ABLIM2: variants seen among roughly 807,000 people sequenced by gnomAD.
The protein encoded by ABLIM2 is actin binding LIM protein family member 2.
Under a neutral mutation model 97.7 loss-of-function variants are expected in ABLIM2, and 53 were observed. The observed-to-expected ratio is 0.54, with a 90% CI of 0.44 to 0.68. The LOEUF is 0.68. ABLIM2 is among the 30% of genes least tolerant of loss of function. The pLI is 0.00. For synonymous variants in ABLIM2, 361 were observed against 345.8 expected, an observed-to-expected ratio of 1.04 and a Z score of -0.49; for missense variants, 835 against 867.2, an observed-to-expected ratio of 0.96 and a Z score of 0.47.
intron 1 of ABLIM2, among the ~76,000 whole-genome samples, 157 bp from the exon 2 acceptor site, chr4:8,106,794 C>T (rs1005850896): frequency 1.4e-4 from 22 of 152,370 alleles, no homozygotes; most frequent in African/African-American, 4.8e-4. Context: ...CTGTTGTCTC[C>T]TTTTGCCTGG....
At chr4:8,138,883 G>A (rs1004104691) in intron 1 of ABLIM2, among the ~76,000 whole-genome samples, 5 of 152,220 alleles carry the variant, frequency 3.3e-5, no homozygotes, top group Non-Finnish European at 7.3e-5. Context: ...AAACTAAAGA[G>A]CTTCTGCACA....
At chr4:8,011,026 A>G (rs763463225) in intron 14 of ABLIM2, among the ~76,000 whole-genome samples, 6 of 152,248 alleles carry the variant, frequency 3.9e-5, no homozygotes, top group Non-Finnish European at 5.9e-5. Flanking sequence ...GAGGTTGGAA[A>G]GTGGATCACC....
In ABLIM2 at chr4:8,072,166, A is replaced by C; in HGVS notation, c.675+5462T>G. On this transcript the variant is annotated intron_variant, in intron 6 of 20. Coordinates refer to ENST00000447017, the MANE Select transcript of ABLIM2 (RefSeq NM_001130083.2). The surrounding 1 kb of genome is among the most constrained non-coding windows in gnomAD (Gnocchi z 5.8). ...TTCTCCTCCACAGCAGAGGAGGAGG[A>C]AAAAACCCAGACCTGTTTTGCTCCT... 1.4e-6 allele frequency: 1 copy of C among 707,506 alleles called. No individual in the cohort carries two copies. The highest frequency in any genetic ancestry group is 1.7e-6 in the Non-Finnish European group (1 of 576,240). 43.8% of individuals were successfully genotyped at this position (707,506 alleles called of 1,614,324 possible).
intron 1 of ABLIM2, among the ~76,000 whole-genome samples, chr4:8,115,371 G>T (rs892716456): frequency 6.6e-6 from 1 of 152,192 alleles, no homozygotes; most frequent in African/African-American, 2.4e-5. Flanking sequence ...CCTGCCTGCT[G>T]CACAGAACAC....
rs1044421220 is a variant in ABLIM2, at chr4:8,123,911, A to C, written c.11-17274T>G. On this transcript the variant is annotated intron_variant, in intron 1 of 20. Coordinates refer to ENST00000447017, the MANE Select transcript of ABLIM2 (RefSeq NM_001130083.2). The surrounding 1 kb of genome is among the most constrained non-coding windows in gnomAD (Gnocchi z 6.2). ...ACACGGTTCCTTTGGGTTCAATGAC[A>C]AAAATAACTTCATTTTGATGACCTA... Among the ~76,000 whole-genome samples, 2 of 152,184 alleles carry C rather than the reference A, an allele frequency of 1.3e-5. No individual in the cohort carries two copies. The highest frequency in any genetic ancestry group is 2.9e-5 in the Non-Finnish European group (2 of 68,014).
chr4:8,099,945 C>A (rs908361617), intron 2 of ABLIM2, among the ~76,000 whole-genome samples: 1 of 152,170 alleles, frequency 6.6e-6, no homozygotes, highest in Non-Finnish European at 1.5e-5. Context: ...CTTATGGAGA[C>A]AACACATTGT....
chr4:8,153,646 T>C (rs6840085), intron 1 of ABLIM2, among the ~76,000 whole-genome samples: 131,291 of 152,228 alleles, frequency 0.86, 56,731 homozygotes, highest in Admixed American at 0.89. Context: ...ACGCAGCAGA[T>C]AGTGGCCCTG....
chr4:8,143,401 C>T (rs1343993862), intron 1 of ABLIM2, among the ~76,000 whole-genome samples: 1 of 152,148 alleles, frequency 6.6e-6, no homozygotes, highest in Non-Finnish European at 1.5e-5. Flanking sequence ...GCACAAAAGG[C>T]AGATAGCACT....
chr4:8,003,643 G>A lies in ABLIM2; in HGVS notation c.1618+4416C>T, dbSNP rs1046549912. 1.4e-5 allele frequency among the ~76,000 whole-genome samples: 2 copies of A among 144,432 alleles called. No homozygotes were observed. The highest frequency in any genetic ancestry group is 2.6e-5 in the African/African-American group (1 of 38,526). The allele number at this position is 144,432 out of a possible 152,430, so 94.8% of individuals were successfully genotyped here. On this transcript the variant is annotated intron_variant, in intron 16 of 20. Coordinates refer to ENST00000447017, the MANE Select transcript of ABLIM2 (RefSeq NM_001130083.2). The surrounding 1 kb of genome is among the most constrained non-coding windows in gnomAD (Gnocchi z 4.2). ...TGCAATGGTGCAATCTCGGCTTACT[G>A]CAACCTCTGCCTCCTGGGATCAAGT... is the stretch of plus-strand genomic sequence containing the variant.
intron 17 of ABLIM2, chr4:7,989,447 G>T (rs913742565): frequency 2.0e-6 from 2 of 985,130 alleles, no homozygotes; most frequent in African/African-American, 3.5e-5. Context: ...CAAGGTGTCT[G>T]GCATTGCCAT....
At chr4:8,101,933 C>A (rs951940758) in intron 2 of ABLIM2, among the ~76,000 whole-genome samples, 1 of 152,154 alleles carries the variant, frequency 6.6e-6, no homozygotes, top group African/African-American at 2.4e-5. Flanking sequence ...CAAAGACATC[C>A]AGAATGAGAC....
At chr4:8,047,847 A>C (rs973524843) in intron 8 of ABLIM2, among the ~76,000 whole-genome samples, 13 of 152,254 alleles carry the variant, frequency 8.5e-5, no homozygotes, top group African/African-American at 2.9e-4. Context: ...ATTTCAGCTC[A>C]AGGTGGGCTC....
rs1174491473 is a variant in ABLIM2, at chr4:7,999,341, A to G, written c.1619-6414T>C. ...CAAAAATGCTGAGATTACAGGCGTG[A>G]GCCACTGCGCCCGGCCAAGAATCAC... On this transcript the variant is annotated intron_variant, in intron 16 of 20. Transcript: ENST00000447017. This position sits in a 1 kb window ranked among gnomAD's most constrained non-coding sequence, Gnocchi z 4.4. Among the ~76,000 whole-genome samples, 2 of 152,190 alleles carry G rather than the reference A, an allele frequency of 1.3e-5. No homozygotes were observed. The highest frequency in any genetic ancestry group is 2.9e-5 in the Non-Finnish European group (2 of 68,034).
At position 8,156,597 on chromosome 4, in the gene ABLIM2, G is replaced by A. The variant is rs896164667; in HGVS notation, c.10+2083C>T. On this transcript the variant is annotated intron_variant, in intron 1 of 20. Transcript: ENST00000447017. ...AAGGAACAGGGAGCCTGCAGCACAC[G>A]AGGGTTAGACAGGCTGCCCTGGGCT... is the stretch of plus-strand genomic sequence containing the variant. Among the ~76,000 whole-genome samples the A allele has an allele frequency of 2.0e-5, 3 of 152,372 alleles. No homozygotes were observed. The East Asian group carries it at 5.8e-4, about 29-fold the overall frequency.
intron 1 of ABLIM2, among the ~76,000 whole-genome samples, chr4:8,142,428 ACAGAG>A (rs1206038580): frequency 3.0e-4 from 46 of 152,338 alleles, no homozygotes; most frequent in Middle Eastern, 3.4e-3. Context: ...ACCTTCGGGC[ACAGAG>A]GGCACATGTC....
rs137873077 is a variant in ABLIM2 at position 7,970,552 on chromosome 4, A to G, written c.1825-3449T>C. ...GAAGGGCAGGCTTGAGGATGACACC[A>G]TGTGCTCCAGGCTGTGGGAGCCTCT... On this transcript the variant is annotated intron_variant, in intron 20 of 20. Transcript: ENST00000447017. The surrounding 1 kb of genome is among the most constrained non-coding windows in gnomAD (Gnocchi z 5.3). Among the ~76,000 whole-genome samples the G allele has an allele frequency of 2.0e-5, 3 of 151,980 alleles. No individual in the cohort carries two copies. The highest frequency in any genetic ancestry group is 4.4e-5 in the Non-Finnish European group (3 of 67,952).
At position 8,071,715 on chromosome 4, in the gene ABLIM2, C is replaced by CCA; in HGVS notation, c.675+5912_675+5913insTG. The CCA allele has an allele frequency of 3.1e-6, 3 of 982,246 alleles. No homozygotes were observed. Among genetic ancestry groups the CCA allele is most frequent in the Non-Finnish European group, 3.6e-6 (3 of 827,102 alleles). The allele number at this position is 982,246 out of a possible 1,614,324, so 60.8% of individuals were successfully genotyped here. A position where few individuals can be genotyped will look rare whatever the true frequency, so the allele number is the denominator to read the frequency against. On this transcript the variant is annotated intron_variant, in intron 6 of 20. Transcript: ENST00000447017. The surrounding 1 kb of genome is among the most constrained non-coding windows in gnomAD (Gnocchi z 6.2). ...AAAACCCACCCACCCGCAGCCCCTCCTGGCCCCTGTGAGCCCCCATCAGCC... is the reference window on the plus strand; with the variant it reads ...AAAACCCACCCACCCGCAGCCCCTCCCATGGCCCCTGTGAGCCCCCATCAGCC...
At chr4:8,093,671 A>C (rs1235069304) in intron 3 of ABLIM2, among the ~76,000 whole-genome samples, 2 of 152,204 alleles carry the variant, frequency 1.3e-5, no homozygotes, top group Non-Finnish European at 2.9e-5. Flanking sequence ...TCAGCATTTA[A>C]GAAATGTTGT....
At chr4:8,090,599 T>C (rs1826646671) in intron 3 of ABLIM2, among the ~76,000 whole-genome samples, 1 of 152,118 alleles carries the variant, frequency 6.6e-6, no homozygotes, top group Non-Finnish European at 1.5e-5. Context: ...CCTGTGGCTG[T>C]CTACAATCAT....
Sources: gnomAD v4.1 joint callset for allele counts (sites outside exome capture counted in the v4.1 genomes callset) on GRCh38, gnomAD v4.1.1 for gene constraint, Gnocchi (gnomAD v3.1) non-coding constraint, MANE v1.5 for transcripts, NCBI Gene and HGNC (gene_info 2026-07-23, HGNC 2026-07-21) for gene names.